Variants in NXN observed in about 807,000 individuals in gnomAD.
NXN encodes nucleoredoxin 1.
Under a neutral mutation model 48.6 loss-of-function variants are expected in NXN, and 16 were observed. That is an observed-to-expected ratio of 0.33 (90% confidence interval 0.22 to 0.50). The LOEUF (loss-of-function observed/expected upper bound fraction) is 0.50. Ranked by LOEUF, NXN falls within the 20% of genes least tolerant of loss-of-function variation. NXN has a pLI of 0.98. For synonymous variants in NXN, 281 were observed against 269.6 expected (o/e 1.04, Z -0.41); for missense variants, 492 against 605.5 (o/e 0.81, Z 1.97).
At chr17:819,399 T>C in intron 5 of NXN, 40 bp downstream of exon 5, 1 of 1,430,874 alleles carries the variant, frequency 7.0e-7, no homozygotes, top group Non-Finnish European at 9.9e-7. Context: ...GGTGAGCAGG[T>C]TTCCAGGAGC....
At chr17:887,107 G>T (rs1489302533) in intron 1 of NXN, among the ~76,000 whole-genome samples, 1 of 151,768 alleles carries the variant, frequency 6.6e-6, no homozygotes, top group Non-Finnish European at 1.5e-5. Flanking sequence ...GTAGAGATGG[G>T]GGTCTCACCA....
intron 1 of NXN, among the ~76,000 whole-genome samples, chr17:848,144 TG>T (rs1325545547): frequency 6.8e-6 from 1 of 146,136 alleles, no homozygotes; most frequent in East Asian, 2.2e-4. Flanking sequence ...TTTCCTGTTT[TG>T]TTTTTTTTTT....
At chr17:938,162 C>T (rs796677861) in intron 1 of NXN, among the ~76,000 whole-genome samples, 35 of 152,346 alleles carry the variant, frequency 2.3e-4, no homozygotes, top group African/African-American at 7.9e-4. Flanking sequence ...TATGCCTATT[C>T]GGAGGGGTCA....
In NXN at chr17:885,882, G is replaced by T. The variant is rs113624137; in HGVS notation, c.361-59804C>A. 2.0e-5 allele frequency among the ~76,000 whole-genome samples: 3 copies of T among 150,998 alleles called. No homozygotes were observed. The East Asian group carries it at 5.9e-4, about 30-fold the overall frequency. On this transcript the variant is annotated intron_variant, in intron 1 of 7. Coordinates refer to ENST00000336868, the MANE Select transcript of NXN (RefSeq NM_022463.5). ...TTTGTATTTTTTTAGTAGAGACGGG[G>T]TTTCACCGTGTCAGCCAGGATGGTC...
chr17:964,378 C>A (rs1043637842), intron 1 of NXN, among the ~76,000 whole-genome samples: 6 of 152,136 alleles, frequency 3.9e-5, no homozygotes, highest in African/African-American at 1.4e-4. Flanking sequence ...GAAAGAAGGG[C>A]TTCAAAAAGC....
At position 919,312 on chromosome 17, in the gene NXN, G is replaced by A. The variant is rs1048841282; in HGVS notation, c.360+60007C>T. On this transcript the variant is annotated intron_variant, in intron 1 of 7. Transcript: ENST00000336868. The surrounding 1 kb of genome is among the most constrained non-coding windows in gnomAD (Gnocchi z 5.1). ...AGGGAGGCAGAGGTTGCAGTGAGCC[G>A]AGATTGTGCCACTGTACTCCAGCCT... Among the ~76,000 whole-genome samples, 5 of 151,964 alleles carry A rather than the reference G, an allele frequency of 3.3e-5. No individual in the cohort carries two copies. The highest frequency in any genetic ancestry group is 2.0e-4 in the Admixed American group (3 of 15,264).
intron 1 of NXN, among the ~76,000 whole-genome samples, chr17:962,081 C>G (rs11651752): frequency 0.036 from 5,420 of 152,210 alleles, 133 homozygotes; most frequent in Middle Eastern, 0.068. Context: ...CTGCAGTGAG[C>G]CGAGATCGCG....
intron 1 of NXN, among the ~76,000 whole-genome samples, chr17:970,338 T>C (rs898732541): frequency 6.6e-6 from 1 of 151,880 alleles, no homozygotes; most frequent in African/African-American, 2.4e-5. Flanking sequence ...AGTTCAATTT[T>C]GTCTCTGAAC....
At chr17:818,679 A>G (rs1375539932) in intron 5 of NXN, among the ~76,000 whole-genome samples, 1 of 152,028 alleles carries the variant, frequency 6.6e-6, no homozygotes, top group East Asian at 1.9e-4. Context: ...AGGTCAAGAG[A>G]TCGAGACCAT....
At chr17:837,766 C>G (rs893064193) in intron 1 of NXN, among the ~76,000 whole-genome samples, 9 of 152,202 alleles carry the variant, frequency 5.9e-5, no homozygotes, top group African/African-American at 2.2e-4. Flanking sequence ...CAGACCAGCC[C>G]GTGTGACCAA....
At position 842,895 on chromosome 17, in the gene NXN, C is replaced by T. The variant is rs150738483; in HGVS notation, c.361-16817G>A. 3.9e-3 allele frequency among the ~76,000 whole-genome samples: 591 copies of T among 151,736 alleles called. 4 individuals are homozygous for T. The highest frequency in any genetic ancestry group is 0.013 in the African/African-American group (549 of 41,332). ...CGGAGGTTGCGGTAAGCCGAGATCG[C>T]GCCATTGCACTCCAGCCTGGGCAAC... On this transcript the variant is annotated intron_variant, in intron 1 of 7. Transcript: ENST00000336868.
At chr17:833,963 C>T (rs1913641624) in intron 1 of NXN, among the ~76,000 whole-genome samples, 1 of 152,216 alleles carries the variant, frequency 6.6e-6, no homozygotes, top group African/African-American at 2.4e-5. Context: ...AGAGCTCATG[C>T]CTTCAGGATG....
chr17:947,030 G>A (rs1436149397), intron 1 of NXN, among the ~76,000 whole-genome samples: 1 of 152,188 alleles, frequency 6.6e-6, no homozygotes, highest in East Asian at 1.9e-4. Flanking sequence ...GGGGCCGCAT[G>A]AGGAGAGACG....
At chr17:963,920 A>G (rs2069270238) in intron 1 of NXN, among the ~76,000 whole-genome samples, 2 of 149,984 alleles carry the variant, frequency 1.3e-5, no homozygotes, top group South Asian at 2.1e-4. Flanking sequence ...TACTAAAAAT[A>G]CAAAAAATCA....
At chr17:965,977 G>A (rs528246695) in intron 1 of NXN, among the ~76,000 whole-genome samples, 1 of 151,960 alleles carries the variant, frequency 6.6e-6, no homozygotes, top group Non-Finnish European at 1.5e-5. Flanking sequence ...TTAGCTGGGT[G>A]TGGTGGCGGG....
rs558447689 is a variant in NXN, at chr17:822,707, T to C, written c.613-250A>G. 5.9e-5 allele frequency among the ~76,000 whole-genome samples: 9 copies of C among 152,066 alleles called. 1 individual carries two copies. The highest frequency in any genetic ancestry group is 1.3e-4 in the Non-Finnish European group (9 of 67,966). ...CCTAGCCTCCTGCATGAGGCAAAAATAAACTTGCCTCTCTTAATGGTGGGC... is the reference window on the plus strand; with the variant it reads ...CCTAGCCTCCTGCATGAGGCAAAAACAAACTTGCCTCTCTTAATGGTGGGC... On this transcript the variant is annotated intron_variant, in intron 3 of 7. Coordinates refer to ENST00000336868, the MANE Select transcript of NXN (RefSeq NM_022463.5).
chr17:938,911 G>A (rs1343283082), intron 1 of NXN, among the ~76,000 whole-genome samples: 3 of 152,036 alleles, frequency 2.0e-5, no homozygotes, highest in East Asian at 3.9e-4. Context: ...AATTAGCTGG[G>A]TGTGGTGGCG....
intron 1 of NXN, among the ~76,000 whole-genome samples, chr17:903,022 C>T (rs892402805): frequency 2.6e-5 from 4 of 151,770 alleles, no homozygotes; most frequent in African/African-American, 7.2e-5. Context: ...CCGCCCACCT[C>T]GGCCTCCCAA....
At chr17:950,493 C>T (rs950971388) in intron 1 of NXN, among the ~76,000 whole-genome samples, 2 of 151,188 alleles carry the variant, frequency 1.3e-5, no homozygotes, top group Admixed American at 6.6e-5. Context: ...GTCATTTCAT[C>T]CCCTGTCGAT....
Sources: gnomAD v4.1 joint callset for allele counts (sites outside exome capture counted in the v4.1 genomes callset) on GRCh38, gnomAD v4.1.1 for gene constraint, Gnocchi (gnomAD v3.1) non-coding constraint, MANE v1.5 for transcripts, NCBI Gene and HGNC (gene_info 2026-07-23, HGNC 2026-07-21) for gene names.